Variants in CERKL observed in about 807,000 individuals in gnomAD.
CERKL encodes the protein CERK like autophagy regulator, also known as ceramide kinase-like protein.
In CERKL, 61 loss-of-function variants were observed where a neutral mutation model predicts 63.4. That is an observed-to-expected ratio of 0.96 (90% CI 0.78 to 1.19). The LOEUF is 1.19. Among genes scored for constraint, CERKL ranks in the 50% most tolerant of loss-of-function variants. The pLI is 0.00. For synonymous variants in CERKL, 250 were observed against 230.5 expected (o/e 1.08, Z -0.77); for missense variants, 675 against 655.5 (o/e 1.03, Z -0.33).
intron 1 of CERKL, among the ~76,000 whole-genome samples, chr2:181,619,375 T>C (rs897517441): frequency 2.6e-5 from 4 of 152,074 alleles, no homozygotes; most frequent in Non-Finnish European, 5.9e-5. Flanking sequence ...AGTTTGTATA[T>C]ACAGTTCATA....
intron 4 of CERKL, among the ~76,000 whole-genome samples, chr2:181,562,927 A>G (rs910987092): frequency 1.3e-5 from 2 of 152,166 alleles, no homozygotes; most frequent in South Asian, 4.1e-4. Flanking sequence ...AATAATGTCT[A>G]CAACATTATG....
At chr2:181,560,149 A>T (rs947194098) in intron 4 of CERKL, among the ~76,000 whole-genome samples, 3 of 152,202 alleles carry the variant, frequency 2.0e-5, no homozygotes, top group Admixed American at 2.0e-4. Flanking sequence ...CTTGAAACTT[A>T]CCTGATTTCA....
intron 5 of CERKL, among the ~76,000 whole-genome samples, chr2:181,554,562 C>T (rs572839435): frequency 1.3e-5 from 2 of 152,136 alleles, no homozygotes; most frequent in African/African-American, 2.4e-5. Context: ...CTCCATTCCC[C>T]CTCCCCCTTT....
chr2:181,647,496 A>T lies in CERKL; in HGVS notation c.238+9273T>A, dbSNP rs370115556. On this transcript the variant is annotated intron_variant, in intron 1 of 12. Coordinates refer to ENST00000410087, the MANE Select transcript of CERKL (RefSeq NM_201548.5). ...CTCCTGCAGCCTAGGCCACTGAGGA[A>T]ATCAGACATTGCTGTGAAGATTACA... is the stretch of plus-strand genomic sequence containing the variant. Among the ~76,000 whole-genome samples the T allele has an allele frequency of 2.0e-4, 31 of 152,316 alleles. No individual in the cohort carries two copies. In the South Asian group the frequency reaches 6.4e-3, roughly 32 times the overall value.
rs1037120468 is a variant in CERKL, at chr2:181,548,148, C to A, written c.1134-301G>T. The A allele has an allele frequency of 3.7e-6, 2 of 542,316 alleles. 1 individual carries two copies. Among genetic ancestry groups the A allele is most frequent in the South Asian group, 4.9e-5 (2 of 40,842 alleles). The allele number at this position is 542,316 out of a possible 1,614,324, so 33.6% of individuals were successfully genotyped here. On this transcript the variant is annotated intron_variant, in intron 8 of 12. Transcript: ENST00000410087. ...ATTACACACTAGACCAAAATTATCACGAGGGACAAAACTGTGTGTTTTGTT... is the reference window on the plus strand; with the variant it reads ...ATTACACACTAGACCAAAATTATCAAGAGGGACAAAACTGTGTGTTTTGTT...
chr2:181,554,114 C>G (rs1052183019), intron 5 of CERKL, among the ~76,000 whole-genome samples: 73 of 133,916 alleles, frequency 5.5e-4, no homozygotes, highest in African/African-American at 2.0e-3. Flanking sequence ...ACAGAAGTAG[C>G]AGTTCATGTA....
Position 181,633,912 on chromosome 2 carries a change from A to T in CERKL, c.238+22857T>A, listed in dbSNP as rs185252188. 1.7e-4 allele frequency among the ~76,000 whole-genome samples: 26 copies of T among 152,312 alleles called. No individual in the cohort carries two copies. In the East Asian group the frequency reaches 5.0e-3, roughly 29 times the overall value. ...AGCACAGGATATAAACTGACCAAGG[A>T]TACACCACAACTACTACATACTTAT... is the stretch of plus-strand genomic sequence containing the variant. On this transcript the variant is annotated intron_variant, in intron 1 of 12. Coordinates refer to ENST00000410087, the MANE Select transcript of CERKL (RefSeq NM_201548.5).
chr2:181,605,851 C>T (rs1685652737), intron 1 of CERKL, among the ~76,000 whole-genome samples: 1 of 152,036 alleles, frequency 6.6e-6, no homozygotes, highest in South Asian at 2.1e-4. Flanking sequence ...CTTTTTAGTC[C>T]TTGAAGTATG....
At chr2:181,628,727 T>A (rs552773461) in intron 1 of CERKL, among the ~76,000 whole-genome samples, 1 of 152,320 alleles carries the variant, frequency 6.6e-6, no homozygotes, top group African/African-American at 2.4e-5. Context: ...GATTTTGTAA[T>A]ATATGCATGC....
intron 1 of CERKL, among the ~76,000 whole-genome samples, chr2:181,653,093 C>T (rs967897744): frequency 9.9e-5 from 15 of 152,110 alleles, no homozygotes; most frequent in African/African-American, 3.4e-4. Context: ...TTTAAATGGG[C>T]AAACGACTTT....
intron 1 of CERKL, among the ~76,000 whole-genome samples, chr2:181,606,175 G>A (rs1685669898): frequency 6.9e-6 from 1 of 145,052 alleles, no homozygotes; most frequent in Non-Finnish European, 1.5e-5. Flanking sequence ...GGGAAGACAG[G>A]AAGGAAAGAA....
intron 1 of CERKL, among the ~76,000 whole-genome samples, chr2:181,616,921 T>C (rs1452477599): frequency 6.6e-6 from 1 of 152,194 alleles, no homozygotes; most frequent in Non-Finnish European, 1.5e-5. Context: ...TCATCAGCAA[T>C]TCTCAATGTG....
intron 4 of CERKL, among the ~76,000 whole-genome samples, chr2:181,562,789 T>C (rs1231251067): frequency 2.6e-5 from 4 of 152,150 alleles, no homozygotes; most frequent in South Asian, 2.1e-4. Flanking sequence ...CTATGAAATG[T>C]TCAATATATT....
intron 2 of CERKL, among the ~76,000 whole-genome samples, chr2:181,582,099 G>A (rs1375850800): frequency 2.0e-5 from 3 of 151,986 alleles, no homozygotes; most frequent in South Asian, 2.1e-4. Context: ...CTTTCAACTC[G>A]ACTAATTCAC....
chr2:181,537,669 A>ATTATCTAGGTTAAATAT lies in CERKL; in HGVS notation c.*498_*514dup, dbSNP rs1239359464. 3 of 433,920 alleles carry ATTATCTAGGTTAAATAT rather than the reference A, an allele frequency of 6.9e-6. No homozygotes were observed. Among genetic ancestry groups the ATTATCTAGGTTAAATAT allele is most frequent in the Non-Finnish European group, 1.4e-5 (3 of 219,970 alleles). 26.9% of individuals were successfully genotyped at this position (433,920 alleles called of 1,614,324 possible). A position where few individuals can be genotyped will look rare whatever the true frequency, so the allele number is the denominator to read the frequency against. ...ATGAAAGAATCCAAATTATTTCAGA[A>ATTATCTAGGTTAAATAT]TTATCTAGGTTAAATATTGATGTAT... On this transcript the variant is annotated 3_prime_UTR_variant, in exon 13 of 13. Coordinates refer to ENST00000410087, the MANE Select transcript of CERKL (RefSeq NM_201548.5).
intron 2 of CERKL, among the ~76,000 whole-genome samples, chr2:181,581,000 A>T (rs1684481467): frequency 6.6e-6 from 1 of 152,036 alleles, no homozygotes; most frequent in African/African-American, 2.4e-5. Context: ...TAGACAAGGT[A>T]CTCACTCATT....
intron 1 of CERKL, among the ~76,000 whole-genome samples, chr2:181,643,084 A>T (rs1240553382): frequency 4.6e-5 from 7 of 152,172 alleles, no homozygotes; most frequent in African/African-American, 1.7e-4. Context: ...TGTAAAATAC[A>T]ACACCCCTCC....
intron 5 of CERKL, among the ~76,000 whole-genome samples, chr2:181,556,787 T>A (rs1559076023): frequency 6.6e-6 from 1 of 152,224 alleles, no homozygotes; most frequent in Non-Finnish European, 1.5e-5. Flanking sequence ...TCAAATGGTA[T>A]TTCTAGTTCT....
At chr2:181,547,422 G>T (rs1687774857) in intron 10 of CERKL, among the ~76,000 whole-genome samples, 196 bp downstream of exon 10, 1 of 152,150 alleles carries the variant, frequency 6.6e-6, no homozygotes, top group Non-Finnish European at 1.5e-5. Flanking sequence ...ACGTTAAATA[G>T]TCAATGATTA....
Sources: allele counts gnomAD v4.1 joint callset (sites outside exome capture counted in the v4.1 genomes callset), GRCh38; gene constraint gnomAD v4.1.1; transcripts MANE v1.5; gene names NCBI Gene and HGNC (gene_info 2026-07-23, HGNC 2026-07-21).